Variants in THSD7A observed in about 807,000 individuals in gnomAD.
THSD7A encodes the protein thrombospondin type 1 domain containing 7A.
A neutral mutation model predicts 231.3 loss-of-function variants in THSD7A; 96 were observed. The ratio of observed to expected loss-of-function variants is 0.41; its 90% confidence interval spans 0.35 to 0.49. The LOEUF is 0.49. THSD7A is among the 20% of genes least tolerant of loss of function. The pLI is 0.05. For synonymous variants in THSD7A, 940 were observed against 743.3 expected (o/e 1.26, Z -4.30); for missense variants, 2,290 against 2,070.2 (o/e 1.11, Z -2.06).
chr7:11,829,598 A>G (rs193076944), intron 1 of THSD7A, among the ~76,000 whole-genome samples: 1 of 152,296 alleles, frequency 6.6e-6, no homozygotes, highest in African/African-American at 2.4e-5. Context: ...CCCCATTGGA[A>G]CAGATATTTT....
chr7:11,407,746 T>A (rs937483041), intron 19 of THSD7A, among the ~76,000 whole-genome samples: 2 of 152,192 alleles, frequency 1.3e-5, no homozygotes, highest in Non-Finnish European at 1.5e-5. Context: ...CAAGTAAATA[T>A]AAGCATAAAT....
chr7:11,530,728 G>T (rs1788670834), intron 6 of THSD7A, among the ~76,000 whole-genome samples: 1 of 152,126 alleles, frequency 6.6e-6, no homozygotes, highest in African/African-American at 2.4e-5. Flanking sequence ...AAAAACTTCT[G>T]CCCAGGCATG....
chr7:11,809,170 A>G (rs1232422666), intron 1 of THSD7A, among the ~76,000 whole-genome samples: 1 of 152,200 alleles, frequency 6.6e-6, no homozygotes, highest in Non-Finnish European at 1.5e-5. Context: ...CCACATTTAA[A>G]TGATAAGGGT....
At chr7:11,414,090 C>CTTTA (rs1275702534) in intron 17 of THSD7A, 2 of 152,214 alleles carry the variant, frequency 1.3e-5, no homozygotes, top group African/African-American at 4.8e-5. Context: ...ATACCCTGGT[C>CTTTA]TTTATTTGTG....
Position 11,417,582 on chromosome 7 carries a change from A to G in THSD7A, c.3405T>C (p.Asp1135=), listed in dbSNP as rs754871602. 1 of 1,612,312 alleles carries G rather than the reference A, an allele frequency of 6.2e-7. No individual in the cohort carries two copies. The highest frequency in any genetic ancestry group is 8.5e-7 in the Non-Finnish European group (1 of 1,179,404). The stretch of plus-strand genomic sequence containing the variant: ...AATCCTCTACATGTTCAGAAGGGCC[A>G]TCTGCTGTATTCTGCATGCATCTAG... The part of the protein sequence containing the change: ...RKVRCMQNTA[D]GPSEHVEDYL... The change falls in exon 17 of 28, where the codon GAT becomes GAC. Residue 1135 remains aspartate, a synonymous_variant. Transcript: ENST00000423059.
intron 16 of THSD7A, among the ~76,000 whole-genome samples, chr7:11,419,059 T>G (rs1273614580): frequency 6.6e-6 from 1 of 152,172 alleles, no homozygotes; most frequent in South Asian, 2.1e-4. Flanking sequence ...TTGCATTTGC[T>G]CCTAAGAATA....
intron 1 of THSD7A, chr7:11,751,260 AG>A (rs1470957792): frequency 6.6e-6 from 1 of 152,104 alleles, no homozygotes. Context: ...GGTCTTCTTA[AG>A]GGTGGAGGAA....
chr7:11,567,569 C>G (rs1177468748), intron 4 of THSD7A, among the ~76,000 whole-genome samples: 1 of 152,190 alleles, frequency 6.6e-6, no homozygotes, highest in African/African-American at 2.4e-5. Context: ...AATTCTCACC[C>G]TGGGCCATAA....
chr7:11,634,590 GGT>G lies in THSD7A; in HGVS notation c.1022+1538_1022+1539del, dbSNP rs543556425. On this transcript the variant is annotated intron_variant, in intron 2 of 27. Coordinates refer to ENST00000423059, the MANE Select transcript of THSD7A (RefSeq NM_015204.3). This position sits in a 1 kb window ranked among gnomAD's most constrained non-coding sequence, Gnocchi z 4.1. ...AAAATATACATGATACAGAATCAGAGGTACACACACACACACACACATACACA... is the reference window on the plus strand; with the variant it reads ...AAAATATACATGATACAGAATCAGAGACACACACACACACACACATACACA... Among the ~76,000 whole-genome samples the G allele has an allele frequency of 0.07, 6,009 of 85,378 alleles. 204 individuals are homozygous for G. The highest frequency in any genetic ancestry group is 0.15 in the Middle Eastern group (25 of 172). The allele number at this position is 85,378 out of a possible 152,430, so 56.0% of individuals were successfully genotyped here. A position where few individuals can be genotyped will look rare whatever the true frequency, so the allele number is the denominator to read the frequency against.
intron 1 of THSD7A, among the ~76,000 whole-genome samples, chr7:11,689,175 T>G (rs1371036240): frequency 6.6e-6 from 1 of 151,828 alleles, no homozygotes; most frequent in Admixed American, 6.6e-5. Context: ...CACGGAATTC[T>G]TTATTTGAAA....
chr7:11,406,889 C>A lies in THSD7A; in HGVS notation c.4062+21G>T, dbSNP rs377224208. The A allele has an allele frequency of 4.3e-6, 7 of 1,613,152 alleles. No homozygotes were observed. The highest frequency in any genetic ancestry group is 1.3e-5 in the African/African-American group (1 of 74,990). On this transcript the variant is annotated intron_variant, in intron 21 of 27. Transcript: ENST00000423059. This position sits in a 1 kb window ranked among gnomAD's most constrained non-coding sequence, Gnocchi z 4.7. ...TGCAGATAGAGTACACACTTCCTGACAACTTCTTGAGATTTGATACCTGCA... is the reference window on the plus strand; with the variant it reads ...TGCAGATAGAGTACACACTTCCTGAAAACTTCTTGAGATTTGATACCTGCA...
chr7:11,593,997 TG>T (rs2128342156), intron 2 of THSD7A, among the ~76,000 whole-genome samples: 1 of 152,298 alleles, frequency 6.6e-6, no homozygotes, highest in East Asian at 1.9e-4. Flanking sequence ...GATTAACATT[TG>T]AGTCACTGGC....
At position 11,469,957 on chromosome 7, in the gene THSD7A, A is replaced by C; in HGVS notation, c.2290T>G (p.Cys764Gly). 2 of 1,599,758 alleles carry C rather than the reference A, an allele frequency of 1.3e-6. No individual in the cohort carries two copies. The highest frequency in any genetic ancestry group is 8.5e-7 in the Non-Finnish European group (1 of 1,172,310). ...CAGTCCTTCTTACAAGGAAGCAGAC[A>C]AGGCCTTACAGTTTCAGGTCGAAGG... ...ESLRPETVRP[C>G]LLPCKKDCIV... The change falls in exon 9 of 28, where the codon TGT (cysteine) becomes GGT (glycine). Residue 764 changes from cysteine to glycine, a missense_variant. Physicochemically the swap from Cys to Gly is radical, Grantham distance 159. Coordinates refer to ENST00000423059, the MANE Select transcript of THSD7A (RefSeq NM_015204.3).
intron 4 of THSD7A, among the ~76,000 whole-genome samples, chr7:11,547,582 T>C (rs1332214211): frequency 6.6e-6 from 1 of 152,110 alleles, no homozygotes; most frequent in Non-Finnish European, 1.5e-5. Flanking sequence ...TACTCTAAAA[T>C]TGACCATATG....
At chr7:11,477,236 A>T (rs1432510660) in intron 7 of THSD7A, among the ~76,000 whole-genome samples, 1 of 152,104 alleles carries the variant, frequency 6.6e-6, no homozygotes, top group African/African-American at 2.4e-5. Flanking sequence ...TTGTTTCTTC[A>T]TTTTCATGGC....
At chr7:11,739,054 A>G (rs1782015738) in intron 1 of THSD7A, among the ~76,000 whole-genome samples, 1 of 152,070 alleles carries the variant, frequency 6.6e-6, no homozygotes, top group Non-Finnish European at 1.5e-5. Flanking sequence ...TGGCCTCATT[A>G]GTGTAATTAT....
chr7:11,495,555 T>C (rs1787063342), intron 6 of THSD7A, among the ~76,000 whole-genome samples: 1 of 152,116 alleles, frequency 6.6e-6, no homozygotes, highest in African/African-American at 2.4e-5. Context: ...TAAAATCAAT[T>C]TGAAGATTTT....
At position 11,580,841 on chromosome 7, in the gene THSD7A, CA is replaced by C. The variant is rs531940460; in HGVS notation, c.1453+9618del. ...ATCTGTACAACAAACCCCCATGACA[CA>C]AGCTTACCTATGTAAATGAACCTGC... On this transcript the variant is annotated intron_variant, in intron 4 of 27. Coordinates refer to ENST00000423059, the MANE Select transcript of THSD7A (RefSeq NM_015204.3). Among the ~76,000 whole-genome samples, 787 of 152,240 alleles carry C rather than the reference CA, an allele frequency of 5.2e-3. 9 individuals are homozygous for C. Among genetic ancestry groups the C allele is most frequent in the African/African-American group, 0.018 (747 of 41,542 alleles).
intron 13 of THSD7A, among the ~76,000 whole-genome samples, chr7:11,431,556 C>T (rs1562604320): frequency 6.6e-6 from 1 of 152,148 alleles, no homozygotes; most frequent in Non-Finnish European, 1.5e-5. Flanking sequence ...ATCTCCATGT[C>T]TAGTTTCATG....
Sources: gnomAD v4.1 joint callset for allele counts (sites outside exome capture counted in the v4.1 genomes callset) on GRCh38, gnomAD v4.1.1 for gene constraint, Gnocchi (gnomAD v3.1) non-coding constraint, MANE v1.5 for transcripts, NCBI Gene and HGNC (gene_info 2026-07-23, HGNC 2026-07-21) for gene names.